Variants in ZC2HC1A observed in about 807,000 individuals in gnomAD.
ZC2HC1A encodes zinc finger C2HC-type containing 1A.
Under a neutral mutation model 40.7 loss-of-function variants are expected in ZC2HC1A, and 28 were observed. That is an observed-to-expected ratio of 0.69 (90% confidence interval 0.51 to 0.94). The LOEUF (loss-of-function observed/expected upper bound fraction) is 0.94, where lower values mean the gene tolerates loss of function less well. Among genes scored for constraint, ZC2HC1A ranks in the 40% least tolerant of loss-of-function variants. ZC2HC1A has a pLI of 0.00. For synonymous variants in ZC2HC1A, 129 were observed against 129.2 expected (o/e 1.00, Z 0.01); for missense variants, 389 against 386.3 (o/e 1.01, Z -0.06).
At chr8:78,680,096 G>A (rs1430764401) in intron 3 of ZC2HC1A, among the ~76,000 whole-genome samples, 1 of 152,072 alleles carries the variant, frequency 6.6e-6, no homozygotes, top group Non-Finnish European at 1.5e-5. Flanking sequence ...GTAACATGGT[G>A]ATAGTAGTAG....
chr8:78,672,314 A>G (rs1563618474), intron 1 of ZC2HC1A, among the ~76,000 whole-genome samples: 2 of 152,166 alleles, frequency 1.3e-5, no homozygotes, highest in Non-Finnish European at 2.9e-5. Context: ...TTATTTAATT[A>G]GTTGTGTGTG....
intron 3 of ZC2HC1A, among the ~76,000 whole-genome samples, chr8:78,683,166 A>G (rs956810228): frequency 2.6e-5 from 4 of 151,402 alleles, no homozygotes; most frequent in Admixed American, 6.6e-5. Flanking sequence ...CGGTGGATCT[A>G]CCATTCTGGG....
intron 3 of ZC2HC1A, among the ~76,000 whole-genome samples, chr8:78,680,642 A>G (rs1809746643): frequency 6.6e-6 from 1 of 152,198 alleles, no homozygotes. Context: ...GAAAAACAAA[A>G]GGTAGGCATA....
At position 78,698,431 on chromosome 8, in the gene ZC2HC1A, G is replaced by A. The variant is rs1301908806; in HGVS notation, c.622G>A (p.Val208Met). Residue 208 changes from valine to methionine, a missense_variant, in exon 7 of 9, where the codon GTG (valine) becomes ATG (methionine). Transcript: ENST00000263849. Reference sequence around the variant, plus strand: ...ATTATAAGGTGTTCCTTCAGGTAAAGTGTCTTCAAGTAGCAGCTCTTTGGG... The same window carrying A: ...ATTATAAGGTGTTCCTTCAGGTAAAATGTCTTCAAGTAGCAGCTCTTTGGG... ...KTVVGVPSGK[V>M]SSSSSSLGNK... 6.2e-7 allele frequency: 1 copy of A among 1,612,418 alleles called. No individual in the cohort carries two copies. The highest frequency in any genetic ancestry group is 1.7e-5 in the Admixed American group (1 of 59,766).
At chr8:78,690,767 T>A (rs1419864486) in intron 5 of ZC2HC1A, among the ~76,000 whole-genome samples, 6 of 152,158 alleles carry the variant, frequency 3.9e-5, no homozygotes. Context: ...GGTTTTATTT[T>A]AGCAGTGTTT....
intron 5 of ZC2HC1A, among the ~76,000 whole-genome samples, chr8:78,691,460 T>C (rs1810208899): frequency 6.6e-6 from 1 of 152,134 alleles, no homozygotes; most frequent in African/African-American, 2.4e-5. Flanking sequence ...TTTCTCTCTA[T>C]TCCTTATATA....
chr8:78,711,755 A>G (rs1203958059), intron 7 of ZC2HC1A, among the ~76,000 whole-genome samples: 1 of 151,842 alleles, frequency 6.6e-6, no homozygotes, highest in East Asian at 1.9e-4. Flanking sequence ...ATAATTTGAC[A>G]TTTGTTTGGA....
At chr8:78,689,199 G>GT (rs1416265043) in intron 4 of ZC2HC1A, 23 bp from the exon 5 acceptor site, 1 of 1,445,774 alleles carries the variant, frequency 6.9e-7, no homozygotes, top group Non-Finnish European at 9.2e-7. Context: ...CTATTAATCT[G>GT]TTTCCGTTTT....
chr8:78,708,857 A>G (rs1304670995), intron 7 of ZC2HC1A, among the ~76,000 whole-genome samples: 5 of 151,784 alleles, frequency 3.3e-5, no homozygotes, highest in African/African-American at 1.2e-4. Flanking sequence ...TTGAATTTTT[A>G]TGGGTTTTCA....
At chr8:78,713,795 C>T (rs558776863) in intron 7 of ZC2HC1A, among the ~76,000 whole-genome samples, 44 of 152,108 alleles carry the variant, frequency 2.9e-4, no homozygotes, top group Non-Finnish European at 5.6e-4. Context: ...CTACTCTGGC[C>T]ACGTAGTAGC....
chr8:78,693,720 GA>G, intron 5 of ZC2HC1A, among the ~76,000 whole-genome samples: 1 of 152,248 alleles, frequency 6.6e-6, no homozygotes, highest in East Asian at 1.9e-4. Context: ...CTGCTGTGCA[GA>G]AGCTCTTTAG....
intron 1 of ZC2HC1A, among the ~76,000 whole-genome samples, chr8:78,670,337 G>C (rs1292853403): frequency 1.3e-5 from 2 of 152,182 alleles, no homozygotes; most frequent in African/African-American, 4.8e-5. Context: ...GAGTGAATGA[G>C]AGGCAGAGAA....
At chr8:78,673,315 T>C (rs1809487303) in intron 1 of ZC2HC1A, among the ~76,000 whole-genome samples, 1 of 152,202 alleles carries the variant, frequency 6.6e-6, no homozygotes, top group South Asian at 2.1e-4. Context: ...CAGTCTATCA[T>C]TGATGGGCAT....
rs528121864 is a variant in ZC2HC1A at position 78,691,317 on chromosome 8, T to C, written c.504+1944T>C. 5.9e-5 allele frequency among the ~76,000 whole-genome samples: 9 copies of C among 152,312 alleles called. No homozygotes were observed. In the South Asian group the frequency reaches 1.9e-3, roughly 32 times the overall value. ...TTGTTTGCATAGCATTTATAAATTG[T>C]TACATCTTCCCCATTTATTGGCACT... On this transcript the variant is annotated intron_variant, in intron 5 of 8. Coordinates refer to ENST00000263849, the MANE Select transcript of ZC2HC1A (RefSeq NM_016010.3).
Position 78,682,962 on chromosome 8 carries a change from C to T in ZC2HC1A, c.211-3505C>T, listed in dbSNP as rs114755058. Among the ~76,000 whole-genome samples, 911 of 152,310 alleles carry T rather than the reference C, an allele frequency of 6.0e-3. 10 individuals carry two copies. The highest frequency in any genetic ancestry group is 0.02 in the African/African-American group (851 of 41,568). The stretch of plus-strand genomic sequence containing the variant: ...GAAATCCATGAGGGCAGTCATTAAA[C>T]CTTAAAGCTCTGAAACGATCTCCTT... On this transcript the variant is annotated intron_variant, in intron 3 of 8. Coordinates refer to ENST00000263849, the MANE Select transcript of ZC2HC1A (RefSeq NM_016010.3).
At chr8:78,715,579 A>C (rs1344959426) in intron 8 of ZC2HC1A, among the ~76,000 whole-genome samples, 1 of 152,210 alleles carries the variant, frequency 6.6e-6, no homozygotes, top group Non-Finnish European at 1.5e-5. Context: ...AAATATCCAC[A>C]TTAATAAGAG....
In ZC2HC1A at chr8:78,717,380, G is replaced by A; in HGVS notation, c.865G>A (p.Glu289Lys). 1 of 1,613,726 alleles carries A rather than the reference G, an allele frequency of 6.2e-7. No individual in the cohort carries two copies. The highest frequency in any genetic ancestry group is 1.3e-5 in the African/African-American group (1 of 74,948). The change falls in exon 9 of 9, where the codon GAA (glutamate) becomes AAA (lysine). Residue 289 changes from glutamate (E) to lysine (K), a missense_variant. By Grantham distance (56) the Glu-to-Lys change is moderately conservative. Transcript: ENST00000263849. ...TAATGGTGGAAATATTAAAGGCATT[G>A]AAGGACATTCACCTGGAAACTTACC... ...SLNGGNIKGIEGHSPGNLPKF... is the reference protein window; with the variant it reads ...SLNGGNIKGIKGHSPGNLPKF...
chr8:78,666,118 G>A lies in ZC2HC1A; in HGVS notation c.-31G>A, dbSNP rs764018480. 89 of 1,562,308 alleles carry A rather than the reference G, an allele frequency of 5.7e-5. No individual in the cohort carries two copies. The highest frequency in any genetic ancestry group is 7.4e-5 in the Non-Finnish European group (85 of 1,153,276). The stretch of plus-strand genomic sequence containing the variant: ...CTGGGCGGTGGCGGGCGCTGCTGAA[G>A]GAGTCTCGCTGAGCTCGAGGAGGTG... On this transcript the variant is annotated 5_prime_UTR_variant, in exon 1 of 9. Transcript: ENST00000263849.
chr8:78,716,518 T>C (rs1052749451), intron 8 of ZC2HC1A, among the ~76,000 whole-genome samples: 2 of 152,086 alleles, frequency 1.3e-5, no homozygotes, highest in Non-Finnish European at 2.9e-5. Context: ...TATCATTAAA[T>C]AATAAAACTA....
Sources: gnomAD v4.1 joint callset for allele counts (sites outside exome capture counted in the v4.1 genomes callset) on GRCh38, gnomAD v4.1.1 for gene constraint, MANE v1.5 for transcripts, NCBI Gene and HGNC (gene_info 2026-07-23, HGNC 2026-07-21) for gene names.